SACS: variants seen among roughly 807,000 people sequenced by gnomAD.
SACS encodes the protein sacsin molecular chaperone, also known as sacsin.
SACS carries 197 observed loss-of-function variants against 348.0 expected under a neutral mutation model. The observed-to-expected ratio is 0.57, with a 90% CI of 0.50 to 0.64. SACS has a LOEUF of 0.64. SACS is among the 30% of genes least tolerant of loss of function. SACS has a pLI of 0.00. For missense variants in SACS, 4,999 were observed against 5,360.8 expected (o/e 0.93, Z 2.11); for synonymous variants, 1,985 against 1,910.6 (o/e 1.04, Z -1.02).
chr13:23,335,539 T>C lies in SACS; in HGVS notation c.8337A>G (p.Gln2779=), dbSNP rs777320906. The change falls in exon 10 of 10, where the codon CAA becomes CAG. Residue 2779 remains glutamine (Q), a synonymous_variant. Transcript: ENST00000382292. This position sits in a 1 kb window ranked among gnomAD's most constrained non-coding sequence, Gnocchi z 4.7. ...CACTATCAATTACAGATGCATGAAATTGTTTCCTTTTCAATCTGTCTCCAT... is the reference window on the plus strand; with the variant it reads ...CACTATCAATTACAGATGCATGAAACTGTTTCCTTTTCAATCTGTCTCCAT... The part of the protein sequence containing the change: ...ITDGDRLKRK[Q]FHASVIDSVT... 5.6e-6 allele frequency: 9 copies of C among 1,613,626 alleles called. No homozygotes were observed. The Admixed American group carries it at 1.5e-4, about 27-fold the overall frequency.
chr13:23,362,567 T>C (rs183108751), intron 6 of SACS, among the ~76,000 whole-genome samples: 21 of 151,508 alleles, frequency 1.4e-4, no homozygotes, highest in Admixed American at 5.9e-4. Context: ...CACCTGCTTT[T>C]ATATAATACA....
intron 9 of SACS, among the ~76,000 whole-genome samples, chr13:23,347,125 T>G (rs1049377161): frequency 6.6e-6 from 1 of 152,220 alleles, no homozygotes; most frequent in Non-Finnish European, 1.5e-5. Context: ...AATTACATTA[T>G]AGCTGCATAA....
Position 23,417,200 on chromosome 13 carries a change from C to A in SACS, c.-501-5460G>T. On this transcript the variant is annotated intron_variant, in intron 1 of 9. Transcript: ENST00000382292. ...CTTTAATGAAAGACATTAAAAAGAC[C>A]CTTTAAAAATGGAGTTATGTACATG... is the stretch of plus-strand genomic sequence containing the variant. Among the ~76,000 whole-genome samples the A allele has an allele frequency of 1.3e-5, 2 of 151,832 alleles. 1 individual carries two copies. Among genetic ancestry groups the A allele is most frequent in the Non-Finnish European group, 2.9e-5 (2 of 67,952 alleles).
chr13:23,365,055 C>T (rs901359276), intron 6 of SACS, 111 bp downstream of exon 6: 1 of 732,800 alleles, frequency 1.4e-6, no homozygotes, highest in Non-Finnish European at 2.3e-6. Context: ...TGGACATAAA[C>T]ATGCCAAAAA....
At chr13:23,402,123 A>G (rs972728129) in intron 2 of SACS, among the ~76,000 whole-genome samples, 10 of 151,188 alleles carry the variant, frequency 6.6e-5, no homozygotes, top group Non-Finnish European at 5.9e-5. Flanking sequence ...GCTTGCAGTG[A>G]GCTGAGATTG....
rs1436382636 is a variant in SACS at position 23,337,926 on chromosome 13, T to C, written c.5950A>G (p.Thr1984Ala). 4 of 1,613,850 alleles carry C rather than the reference T, an allele frequency of 2.5e-6. No homozygotes were observed. Among genetic ancestry groups the C allele is most frequent in the African/African-American group, 1.3e-5 (1 of 74,918 alleles). ...ELTKVFSDGS[T>A]WVSMKNVRFL... is the part of the protein sequence containing the mutation. ...CTTACGTTCTTCATGGAAACCCAAG[T>C]AGATCCATCAGAGAAGACTTTGGTC... The change falls in exon 10 of 10, where the codon ACT (threonine) becomes GCT (alanine). Residue 1984 changes from threonine (T) to alanine (A), a missense_variant. Coordinates refer to ENST00000382292, the MANE Select transcript of SACS (RefSeq NM_014363.6).
At chr13:23,402,016 A>C (rs1304080138) in intron 2 of SACS, among the ~76,000 whole-genome samples, 1 of 152,144 alleles carries the variant, frequency 6.6e-6, no homozygotes, top group Non-Finnish European at 1.5e-5. Context: ...GTCTCCACAA[A>C]AGACACAAAA....
In SACS at chr13:23,372,366, C is replaced by T. The variant is rs184333354; in HGVS notation, c.172-1201G>A. 2.6e-5 allele frequency among the ~76,000 whole-genome samples: 4 copies of T among 152,304 alleles called. No homozygotes were observed. The East Asian group carries it at 5.8e-4, about 22-fold the overall frequency. The stretch of plus-strand genomic sequence containing the variant: ...ATAAATGATAAGCATATTCTCAACA[C>T]ATTTTACCAAAACACAGAAGGAGCA... On this transcript the variant is annotated intron_variant, in intron 3 of 9. Coordinates refer to ENST00000382292, the MANE Select transcript of SACS (RefSeq NM_014363.6).
At chr13:23,402,135 G>A (rs907743924) in intron 2 of SACS, among the ~76,000 whole-genome samples, 5 of 149,764 alleles carry the variant, frequency 3.3e-5, no homozygotes, top group African/African-American at 7.4e-5. Context: ...CTGAGATTGC[G>A]CCACTGCACT....
In SACS at chr13:23,330,346, C is replaced by T. The variant is rs763943563; in HGVS notation, c.13530G>A (p.Glu4510=). The change falls in exon 10 of 10, where the codon GAG becomes GAA. Residue 4510 remains glutamate, a synonymous_variant. Transcript: ENST00000382292. The part of the protein sequence containing the change: ...VKPTALAQKI[E]EYSQQLEGLT... ...GTCCTTCAAGTTGCTGACTATATTC[C>T]TCTATTTTCTGAGCAAGTGCAGTTG... 1 of 1,614,110 alleles carries T rather than the reference C, an allele frequency of 6.2e-7. No individual in the cohort carries two copies. The highest frequency in any genetic ancestry group is 1.1e-5 in the South Asian group (1 of 91,076).
At chr13:23,345,135 C>T (rs1207825698) in intron 9 of SACS, among the ~76,000 whole-genome samples, 1 of 152,162 alleles carries the variant, frequency 6.6e-6, no homozygotes, top group African/African-American at 2.4e-5. Context: ...TTATACTTTT[C>T]TCTTGTACAG....
At chr13:23,416,336 T>A (rs984223576) in intron 1 of SACS, among the ~76,000 whole-genome samples, 6 of 151,060 alleles carry the variant, frequency 4.0e-5, no homozygotes, top group African/African-American at 1.5e-4. Flanking sequence ...AAATAGGAAA[T>A]AAAGATGAGA....
chr13:23,338,844 G>A lies in SACS; in HGVS notation c.5032C>T (p.Leu1678Phe), dbSNP rs903178066. The stretch of plus-strand genomic sequence containing the variant: ...AAAATGATAAGCCTGTGTCCACAGA[G>A]ACTAAATTCATCCACAAGAGAATAA... ...DIYSLVDEFS[L>F]CGHRLIIFTQ... The change falls in exon 10 of 10, where the codon CTC becomes TTC. Residue 1678 changes from leucine (L) to phenylalanine (F), a missense_variant. Physicochemically the swap from Leu to Phe is conservative, Grantham distance 22. This residue lies in a region of SACS where 3,156 missense variants were observed against 3,380.1 expected (regional missense o/e 0.93). Coordinates refer to ENST00000382292, the MANE Select transcript of SACS (RefSeq NM_014363.6). The A allele has an allele frequency of 3.7e-6, 6 of 1,612,678 alleles. No homozygotes were observed. Among genetic ancestry groups the A allele is most frequent in the African/African-American group, 2.7e-5 (2 of 74,872 alleles).
chr13:23,387,878 A>G (rs1451507189), intron 2 of SACS, among the ~76,000 whole-genome samples: 1 of 152,216 alleles, frequency 6.6e-6, no homozygotes, highest in Non-Finnish European at 1.5e-5. Context: ...AGAGAAATGC[A>G]TATTAAAACC....
chr13:23,388,569 C>A (rs966091714), intron 2 of SACS, among the ~76,000 whole-genome samples: 21 of 150,228 alleles, frequency 1.4e-4, no homozygotes, highest in Non-Finnish European at 3.0e-5. Context: ...AAAATAATGT[C>A]TTTTGCAGCA....
intron 9 of SACS, among the ~76,000 whole-genome samples, chr13:23,351,593 T>G (rs1282902189): frequency 6.6e-6 from 1 of 152,228 alleles, no homozygotes; most frequent in Non-Finnish European, 1.5e-5. Flanking sequence ...CCCAGCCATG[T>G]GGAACTGTGA....
chr13:23,356,026 GT>G lies in SACS; in HGVS notation c.605-20del. The stretch of plus-strand genomic sequence containing the variant: ...GGAACATCTGTAAAGAAAAATTTAA[GT>G]CATGATCAACTCTGAAATTTTAGGG... On this transcript the variant is annotated intron_variant, in intron 7 of 9. Transcript: ENST00000382292. 6.2e-7 allele frequency: 1 copy of G among 1,602,272 alleles called. No homozygotes were observed. The highest frequency in any genetic ancestry group is 8.5e-7 in the Non-Finnish European group (1 of 1,172,920).
chr13:23,341,370 G>A lies in SACS; in HGVS notation c.2506C>T (p.Leu836Phe). ...VILDDESEAQ[L>F]PEFLADIVQK... ...ACAATGTCTGCTAAAAATTCTGGAA[G>A]CTGTGCTTCAGATTCATCGTCTAAA... Residue 836 changes from leucine (L) to phenylalanine (F), a missense_variant, in exon 10 of 10, where the codon CTT (leucine) becomes TTT (phenylalanine). Coordinates refer to ENST00000382292, the MANE Select transcript of SACS (RefSeq NM_014363.6). The A allele has an allele frequency of 5.0e-6, 8 of 1,606,624 alleles. No homozygotes were observed. Among genetic ancestry groups the A allele is most frequent in the Non-Finnish European group, 6.8e-6 (8 of 1,175,980 alleles).
At chr13:23,342,963 T>C (rs570069894) in intron 9 of SACS, among the ~76,000 whole-genome samples, 1 of 152,322 alleles carries the variant, frequency 6.6e-6, no homozygotes, top group East Asian at 1.9e-4. Flanking sequence ...ACAGAGCATA[T>C]TTACAACTTT....
Sources: allele counts gnomAD v4.1 joint callset (sites outside exome capture counted in the v4.1 genomes callset), GRCh38; gene constraint gnomAD v4.1.1; regional missense constraint gnomAD v4.1.1; non-coding constraint Gnocchi (gnomAD v3.1); transcripts MANE v1.5; gene names NCBI Gene and HGNC (gene_info 2026-07-23, HGNC 2026-07-21).